The following SCHIP1 variants were observed in gnomAD, a reference collection of about 807,000 sequenced individuals.
SCHIP1 encodes schwannomin-interacting protein 1.
A neutral mutation model predicts 29.7 loss-of-function variants in SCHIP1; 8 were observed. The observed-to-expected ratio is 0.27, with a 90% CI of 0.16 to 0.49. SCHIP1 has a LOEUF of 0.49. SCHIP1 is among the 20% of genes least tolerant of loss of function. SCHIP1 has a pLI of 0.99. For missense variants in SCHIP1, 193 were observed against 294.6 expected, an observed-to-expected ratio of 0.66 and a Z score of 2.52; for synonymous variants, 76 against 94.9, an observed-to-expected ratio of 0.80 and a Z score of 1.16.
chr3:159,676,465 C>T, the SCHIP1 span, among the ~76,000 whole-genome samples: 1 of 152,306 alleles, frequency 6.6e-6, no homozygotes, highest in South Asian at 2.1e-4. Context: ...TTGTGAGGAG[C>T]TTTCTTTTTA....
the SCHIP1 span, among the ~76,000 whole-genome samples, chr3:159,463,287 A>C: frequency 2.0e-5 from 3 of 152,148 alleles, no homozygotes; most frequent in African/African-American, 7.2e-5. Flanking sequence ...CTTTTGGGAA[A>C]GATATCATCA....
Position 159,861,017 on chromosome 3 carries a change from T to A in SCHIP1, c.31-5146T>A, listed in dbSNP as rs1252203915. ...GGCTTTAGGTTCAGGTTTAGGATGT[T>A]ATTTCCTGAAGTGTGTTCCTGAGAA... On this transcript the variant is annotated intron_variant, in intron 1 of 6. Transcript: ENST00000445224. The surrounding 1 kb of genome is among the most constrained non-coding windows in gnomAD (Gnocchi z 4.1). Among the ~76,000 whole-genome samples the A allele has an allele frequency of 1.3e-5, 2 of 152,172 alleles. No individual in the cohort carries two copies. Among genetic ancestry groups the A allele is most frequent in the African/African-American group, 4.8e-5 (2 of 41,430 alleles).
At chr3:159,387,417 A>T in the SCHIP1 span, 1 of 331,006 alleles carries the variant, frequency 3.0e-6, no homozygotes, top group Non-Finnish European at 6.0e-6. Context: ...GGTGACTGGG[A>T]GCCACTCACC....
At chr3:159,853,265 T>A (rs1290052374) in intron 1 of SCHIP1, 1 of 557,000 alleles carries the variant, frequency 1.8e-6, no homozygotes, top group Non-Finnish European at 3.2e-6. Context: ...CACAGCCTCT[T>A]AGCCAGCTCT....
At chr3:159,653,903 C>G in the SCHIP1 span, among the ~76,000 whole-genome samples, 1 of 152,086 alleles carries the variant, frequency 6.6e-6, no homozygotes. Flanking sequence ...TTACACCCAT[C>G]TCATCTTTAC....
chr3:159,422,560 C>A, the SCHIP1 span, among the ~76,000 whole-genome samples: 2 of 152,290 alleles, frequency 1.3e-5, no homozygotes, highest in Non-Finnish European at 2.9e-5. Flanking sequence ...ACACCCAGAT[C>A]AAGAAACAGA....
At chr3:159,483,920 A>C in the SCHIP1 span, among the ~76,000 whole-genome samples, 1 of 152,232 alleles carries the variant, frequency 6.6e-6, no homozygotes, top group African/African-American at 2.4e-5. Flanking sequence ...ACAAAAATCC[A>C]AATGTGGAGT....
the SCHIP1 span, among the ~76,000 whole-genome samples, chr3:159,769,287 AG>A: frequency 3.2e-5 from 1 of 31,614 alleles, no homozygotes; most frequent in Non-Finnish European, 6.4e-5. Context: ...GTGGGGTGGG[AG>A]GGGGGGCACT....
chr3:159,493,379 T>G, the SCHIP1 span, among the ~76,000 whole-genome samples: 1 of 152,144 alleles, frequency 6.6e-6, no homozygotes, highest in East Asian at 1.9e-4. Context: ...GAGATACACA[T>G]AGGCTCAAAA....
the SCHIP1 span, among the ~76,000 whole-genome samples, chr3:159,412,089 A>G: frequency 6.6e-6 from 1 of 152,202 alleles, no homozygotes. Context: ...TTCAAAACAA[A>G]CCAACAAAGT....
the SCHIP1 span, among the ~76,000 whole-genome samples, chr3:159,431,097 G>C: frequency 6.6e-6 from 1 of 152,258 alleles, no homozygotes; most frequent in South Asian, 2.1e-4. Flanking sequence ...AAGAGAATTT[G>C]AGAAGTAGAG....
the SCHIP1 span, among the ~76,000 whole-genome samples, chr3:159,664,522 A>T: frequency 2.0e-5 from 3 of 152,210 alleles, no homozygotes; most frequent in Non-Finnish European, 2.9e-5. Context: ...AATGTTGTAA[A>T]AGTGTACATA....
At chr3:159,273,907 T>A in the SCHIP1 span, 5 of 1,612,342 alleles carry the variant, frequency 3.1e-6, no homozygotes, top group Non-Finnish European at 4.2e-6. Flanking sequence ...ATGTCTACCA[T>A]CTATTTTAGG....
At chr3:159,769,582 T>C in the SCHIP1 span, among the ~76,000 whole-genome samples, 1 of 152,054 alleles carries the variant, frequency 6.6e-6, no homozygotes, top group Non-Finnish European at 1.5e-5. Context: ...AAACCCCATC[T>C]CTACTAAAAA....
the SCHIP1 span, among the ~76,000 whole-genome samples, chr3:159,729,609 TAC>T: frequency 2.0e-5 from 3 of 152,032 alleles, no homozygotes; most frequent in Admixed American, 2.0e-4. Context: ...AATAATAAAA[TAC>T]ATTAGAATAA....
the SCHIP1 span, among the ~76,000 whole-genome samples, chr3:159,461,013 C>T: frequency 3.3e-5 from 5 of 152,132 alleles, no homozygotes; most frequent in East Asian, 3.9e-4. Context: ...TCAGGAAGTT[C>T]GTGGAACTTG....
chr3:159,806,610 T>TC, the SCHIP1 span, among the ~76,000 whole-genome samples: 13 of 152,344 alleles, frequency 8.5e-5, no homozygotes, highest in Admixed American at 3.9e-4. Context: ...AGAGAGGATT[T>TC]CTCAATCTGG....
chr3:159,840,587 G>T (rs1248265571), intron 1 of SCHIP1, among the ~76,000 whole-genome samples: 2 of 152,194 alleles, frequency 1.3e-5, no homozygotes, highest in African/African-American at 4.8e-5. Context: ...CGTTGCATAG[G>T]ATGTGAGTTG....
the SCHIP1 span, among the ~76,000 whole-genome samples, chr3:159,626,653 G>C: frequency 1.3e-5 from 2 of 151,510 alleles, no homozygotes; most frequent in African/African-American, 4.9e-5. Context: ...ATAGTAGTTT[G>C]CTTTTTCACA....
Sources: allele counts gnomAD v4.1 joint callset (sites outside exome capture counted in the v4.1 genomes callset), GRCh38; gene constraint gnomAD v4.1.1; non-coding constraint Gnocchi (gnomAD v3.1); transcripts MANE v1.5; gene names NCBI Gene and HGNC (gene_info 2026-07-23, HGNC 2026-07-21).